CDYL2: variants seen among roughly 807,000 people sequenced by gnomAD.
CDYL2 encodes the protein chromodomain Y-like protein 2.
Under a neutral mutation model 49.4 loss-of-function variants are expected in CDYL2, and 23 were observed. The ratio of observed to expected loss-of-function variants is 0.47; its 90% CI spans 0.34 to 0.66. The LOEUF (loss-of-function observed/expected upper bound fraction) is 0.66. CDYL2 is among the 30% of genes least tolerant of loss of function. The pLI, the probability that CDYL2 is intolerant of heterozygous loss-of-function variation, is 0.01. For missense variants in CDYL2, 678 were observed against 656.4 expected, an observed-to-expected ratio of 1.03 and a Z score of -0.36; for synonymous variants, 360 against 268.8, an observed-to-expected ratio of 1.34 and a Z score of -3.32.
intron 1 of CDYL2, among the ~76,000 whole-genome samples, chr16:80,727,419 A>G (rs539492324): frequency 6.6e-6 from 1 of 152,354 alleles, no homozygotes; most frequent in East Asian, 1.9e-4. Context: ...CCAGGAGATT[A>G]TATCCCGCAC....
At chr16:80,641,774 C>G (rs1908101094) in intron 2 of CDYL2, among the ~76,000 whole-genome samples, 1 of 150,164 alleles carries the variant, frequency 6.7e-6, no homozygotes, top group East Asian at 2.0e-4. Flanking sequence ...GGAGGGATAG[C>G]ATTAGGAGAT....
intron 1 of CDYL2, among the ~76,000 whole-genome samples, chr16:80,760,817 G>A (rs1906502235): frequency 6.6e-6 from 1 of 151,356 alleles, no homozygotes; most frequent in African/African-American, 2.4e-5. Flanking sequence ...ATTCAGAGTT[G>A]AACAGTTATC....
intron 3 of CDYL2, among the ~76,000 whole-genome samples, chr16:80,624,549 A>C (rs1249305621): frequency 1.3e-5 from 2 of 152,236 alleles, no homozygotes; most frequent in African/African-American, 4.8e-5. Flanking sequence ...CACAGGAAAA[A>C]AAACCCTAGC....
chr16:80,626,770 G>C (rs371540470), intron 3 of CDYL2, among the ~76,000 whole-genome samples: 76 of 152,266 alleles, frequency 5.0e-4, no homozygotes, highest in East Asian at 3.9e-3. Flanking sequence ...GGGGGATACT[G>C]GGAAAATACT....
intron 2 of CDYL2, among the ~76,000 whole-genome samples, chr16:80,649,348 A>C (rs1908486680): frequency 6.6e-6 from 1 of 152,170 alleles, no homozygotes; most frequent in Admixed American, 6.5e-5. Context: ...AACAGTAAAC[A>C]ATCTGAAAAA....
intron 1 of CDYL2, among the ~76,000 whole-genome samples, chr16:80,732,089 C>T (rs1905346290): frequency 6.6e-6 from 1 of 152,140 alleles, no homozygotes; most frequent in Admixed American, 6.5e-5. Context: ...ATTAAATAGA[C>T]AGTCATAATG....
intron 4 of CDYL2, among the ~76,000 whole-genome samples, chr16:80,615,949 C>T (rs370095841): frequency 1.3e-5 from 2 of 152,184 alleles, no homozygotes; most frequent in South Asian, 2.1e-4. Flanking sequence ...CCTGCAGCTC[C>T]GATATCTGAT....
intron 2 of CDYL2, among the ~76,000 whole-genome samples, chr16:80,649,402 T>G (rs1908489009): frequency 6.6e-6 from 1 of 152,034 alleles, no homozygotes; most frequent in Non-Finnish European, 1.5e-5. Flanking sequence ...CAAATAAAAT[T>G]AAATACCTAG....
chr16:80,799,135 C>A (rs923132906), intron 1 of CDYL2, among the ~76,000 whole-genome samples: 1 of 151,800 alleles, frequency 6.6e-6, no homozygotes, highest in Admixed American at 6.6e-5. Context: ...AGAAAACAAA[C>A]CCAGTCCTAC....
At chr16:80,757,549 A>ATATATATAT (rs1404612062) in intron 1 of CDYL2, among the ~76,000 whole-genome samples, 9 of 146,382 alleles carry the variant, frequency 6.1e-5, no homozygotes, top group African/African-American at 2.4e-4. Flanking sequence ...AAAAAAAAAA[A>ATATATATAT]AAAAATATAT....
intron 2 of CDYL2, among the ~76,000 whole-genome samples, chr16:80,677,742 A>AG (rs1909812520): frequency 6.9e-6 from 1 of 144,716 alleles, no homozygotes; most frequent in Admixed American, 6.9e-5. Flanking sequence ...CCATCTCAAA[A>AG]AAATAAAAAT....
At chr16:80,683,184 C>G (rs1423374546) in intron 2 of CDYL2, among the ~76,000 whole-genome samples, 4 of 152,228 alleles carry the variant, frequency 2.6e-5, no homozygotes, top group Admixed American at 6.5e-5. Flanking sequence ...CCACACGCAC[C>G]CTGGTTTCAT....
intron 1 of CDYL2, among the ~76,000 whole-genome samples, chr16:80,758,694 C>T (rs1463664402): frequency 1.2e-4 from 18 of 151,926 alleles, no homozygotes; most frequent in South Asian, 2.1e-4. Context: ...AGGCACCCGC[C>T]ACCACACCCA....
intron 1 of CDYL2, among the ~76,000 whole-genome samples, chr16:80,692,939 A>C (rs73593032): frequency 1.3e-5 from 2 of 152,354 alleles, no homozygotes; most frequent in East Asian, 3.8e-4. Flanking sequence ...GTATTTTAAC[A>C]GAATAAATAG....
At chr16:80,634,915 C>G (rs1907747653) in intron 2 of CDYL2, among the ~76,000 whole-genome samples, 1 of 152,074 alleles carries the variant, frequency 6.6e-6, no homozygotes, top group Non-Finnish European at 1.5e-5. Flanking sequence ...CAAATAATAC[C>G]AATTCTCCAA....
At chr16:80,646,079 C>A (rs1908331057) in intron 2 of CDYL2, among the ~76,000 whole-genome samples, 1 of 150,918 alleles carries the variant, frequency 6.6e-6, no homozygotes, top group South Asian at 2.1e-4. Context: ...CAACATGGCG[C>A]ATGTATACAT....
intron 1 of CDYL2, among the ~76,000 whole-genome samples, chr16:80,739,202 T>C (rs937133249): frequency 6.6e-6 from 1 of 152,182 alleles, no homozygotes; most frequent in African/African-American, 2.4e-5. Flanking sequence ...GAGTATTTTA[T>C]TTCATAGAGA....
At chr16:80,704,331 A>G (rs951352787) in intron 1 of CDYL2, among the ~76,000 whole-genome samples, 2 of 152,234 alleles carry the variant, frequency 1.3e-5, no homozygotes, top group Non-Finnish European at 2.9e-5. Context: ...ATTCTCTCAG[A>G]ACCAATACCA....
At chr16:80,696,884 C>A (rs1910633733) in intron 1 of CDYL2, among the ~76,000 whole-genome samples, 1 of 152,164 alleles carries the variant, frequency 6.6e-6, no homozygotes, top group Non-Finnish European at 1.5e-5. Flanking sequence ...AGAGACCCAG[C>A]TCCTCTGGAG....
Sources: allele counts gnomAD v4.1 joint callset (sites outside exome capture counted in the v4.1 genomes callset), GRCh38; gene constraint gnomAD v4.1.1; transcripts MANE v1.5; gene names NCBI Gene and HGNC (gene_info 2026-07-23, HGNC 2026-07-21).